Variants in SLTM observed in about 807,000 individuals in gnomAD.
SLTM encodes the protein SAFB-like transcription modulator.
In SLTM, 43 loss-of-function variants were observed where a neutral mutation model predicts 134.6. The ratio of observed to expected loss-of-function variants is 0.32; its 90% confidence interval spans 0.25 to 0.41. The LOEUF is 0.41. SLTM is among the 10% of genes least tolerant of loss of function. The pLI is 1.00. For synonymous variants in SLTM, 424 were observed against 432.3 expected (o/e 0.98, Z 0.24); for missense variants, 1,055 against 1,288.8 (o/e 0.82, Z 2.78).
At position 58,879,880 on chromosome 15, in the gene SLTM, TA is replaced by T; in HGVS notation, c.*118del. The stretch of plus-strand genomic sequence containing the variant: ...GAGAAAAGCAATCATGTTAAATTTT[TA>T]AAAAGAAAAGTCTGACAGAACTCTC... On this transcript the variant is annotated 3_prime_UTR_variant, in exon 21 of 21. Coordinates refer to ENST00000380516, the MANE Select transcript of SLTM (RefSeq NM_024755.4). 8.0e-7 allele frequency: 1 copy of T among 1,250,602 alleles called. No individual in the cohort carries two copies. The highest frequency in any genetic ancestry group is 1.1e-6 in the Non-Finnish European group (1 of 941,482). 77.5% of individuals were successfully genotyped at this position (1,250,602 alleles called of 1,614,324 possible).
intron 3 of SLTM, among the ~76,000 whole-genome samples, chr15:58,916,308 G>C (rs2036646922): frequency 1.3e-5 from 2 of 151,762 alleles, no homozygotes; most frequent in African/African-American, 4.8e-5. Context: ...CAAGTAGTTG[G>C]GATTACAGGC....
intron 9 of SLTM, among the ~76,000 whole-genome samples, chr15:58,896,052 T>C (rs1219864019): frequency 6.6e-6 from 1 of 152,192 alleles, no homozygotes. Flanking sequence ...AACTATAATG[T>C]AAGTAGACAG....
At chr15:58,910,401 A>G (rs2036177833) in intron 5 of SLTM, among the ~76,000 whole-genome samples, 1 of 152,238 alleles carries the variant, frequency 6.6e-6, no homozygotes, top group Admixed American at 6.5e-5. Flanking sequence ...TAGAAAGAGG[A>G]AAAAGGTCAT....
intron 5 of SLTM, among the ~76,000 whole-genome samples, chr15:58,910,163 A>G (rs963780422): frequency 6.6e-6 from 1 of 152,212 alleles, no homozygotes; most frequent in Non-Finnish European, 1.5e-5. Context: ...TTCAAGGGAA[A>G]TATGTTTGGA....
intron 19 of SLTM, among the ~76,000 whole-genome samples, chr15:58,884,170 T>G (rs1422420037): frequency 2.0e-5 from 3 of 152,072 alleles, no homozygotes; most frequent in Admixed American, 6.6e-5. Flanking sequence ...TGGTGTGCTT[T>G]TAATGTCAGA....
rs912788152 is a variant in SLTM, at chr15:58,879,359, G to A, written c.*640C>T. ...TCATACCATGCAAACCTGAACAAGT[G>A]TGCTGCTACACTAAACTGAAAATCG... is the stretch of plus-strand genomic sequence containing the variant. On this transcript the variant is annotated 3_prime_UTR_variant, in exon 21 of 21. Coordinates refer to ENST00000380516, the MANE Select transcript of SLTM (RefSeq NM_024755.4). The A allele has an allele frequency of 7.9e-5, 12 of 152,456 alleles. No homozygotes were observed. The highest frequency in any genetic ancestry group is 1.5e-4 in the Non-Finnish European group (10 of 68,032). 9.4% of individuals were successfully genotyped at this position (152,456 alleles called of 1,614,324 possible). A position where few individuals can be genotyped will look rare whatever the true frequency, so the allele number is the denominator to read the frequency against.
intron 10 of SLTM, 38 bp from the exon 11 acceptor site, chr15:58,894,231 G>C: frequency 1.3e-6 from 2 of 1,517,704 alleles, no homozygotes; most frequent in South Asian, 2.4e-5. Context: ...TTGTACATAT[G>C]GTTACATTTT....
In SLTM at chr15:58,883,293, C is replaced by T. The variant is rs566649117; in HGVS notation, c.2996+333G>A. On this transcript the variant is annotated intron_variant, in intron 20 of 20. Coordinates refer to ENST00000380516, the MANE Select transcript of SLTM (RefSeq NM_024755.4). ...CCTCGCCACTGCAGTCCAGCATGGG[C>T]GACAGAGTGAGACTCCATCTCAAAA... Among the ~76,000 whole-genome samples, 30 of 152,246 alleles carry T rather than the reference C, an allele frequency of 2.0e-4. 1 individual carries two copies. Among genetic ancestry groups the T allele is most frequent in the Admixed American group, 1.5e-3 (23 of 15,298 alleles).
Position 58,898,783 on chromosome 15 carries a change from T to C in SLTM, c.1108+20A>G, listed in dbSNP as rs374647703. 39 of 1,574,564 alleles carry C rather than the reference T, an allele frequency of 2.5e-5. No homozygotes were observed. In the South Asian group the frequency reaches 2.5e-4, roughly 10 times the overall value. ...TACACAATGTCAACACTGAAATAAA[T>C]AGGGAAAAAAATTCTTTACCTTTGT... On this transcript the variant is annotated intron_variant, in intron 8 of 20. Transcript: ENST00000380516.
At chr15:58,916,634 A>C in intron 3 of SLTM, 1 of 217,956 alleles carries the variant, frequency 4.6e-6, no homozygotes, top group Non-Finnish European at 9.1e-6. Flanking sequence ...CTCATCCAGG[A>C]ACTAACATGT....
intron 12 of SLTM, 118 bp from the exon 13 acceptor site, chr15:58,893,482 C>G: frequency 1.4e-6 from 1 of 703,820 alleles, no homozygotes; most frequent in Non-Finnish European, 2.3e-6. Context: ...AAAAAAACTA[C>G]TTATTCTACA....
intron 17 of SLTM, among the ~76,000 whole-genome samples, chr15:58,888,071 T>C (rs1341092663): frequency 2.6e-5 from 4 of 152,148 alleles, no homozygotes; most frequent in Non-Finnish European, 4.4e-5. Flanking sequence ...CAAGAATCGT[T>C]TGAACCCACG....
chr15:58,888,343 C>T, intron 17 of SLTM, 42 bp downstream of exon 17: 1 of 1,513,184 alleles, frequency 6.6e-7, no homozygotes, highest in Non-Finnish European at 8.9e-7. Context: ...TTATCACTAG[C>T]AAGGCTCATA....
chr15:58,884,562 C>A (rs2140938329), intron 19 of SLTM, among the ~76,000 whole-genome samples: 1 of 152,228 alleles, frequency 6.6e-6, no homozygotes, highest in South Asian at 2.1e-4. Flanking sequence ...CATGATCCGC[C>A]CGCCTAGGCC....
intron 9 of SLTM, among the ~76,000 whole-genome samples, chr15:58,896,376 T>A (rs1212743100): frequency 3.9e-5 from 6 of 152,002 alleles, no homozygotes; most frequent in Admixed American, 3.9e-4. Context: ...CTGGCCAACA[T>A]AGTGAAAAAC....
chr15:58,898,630 A>T, intron 8 of SLTM, 173 bp downstream of exon 8: 1 of 556,780 alleles, frequency 1.8e-6, no homozygotes, highest in South Asian at 2.0e-5. Context: ...CACATCAATC[A>T]GTTTTCTGTA....
chr15:58,915,709 C>CTG lies in SLTM; in HGVS notation c.315+1224_315+1225dup, dbSNP rs140694774. Among the ~76,000 whole-genome samples the CTG allele has an allele frequency of 8.8e-4, 133 of 151,588 alleles. 1 individual carries two copies. In the Middle Eastern group the frequency reaches 0.051, roughly 58 times the overall value. ...ACATCTTTTGGGGGTGGGGTTGTGT[C>CTG]TGTGTGTGTGTGTGCAGCGTGGAGA... On this transcript the variant is annotated intron_variant, in intron 3 of 20. Transcript: ENST00000380516.
At chr15:58,922,889 T>C (rs1234911839) in intron 2 of SLTM, among the ~76,000 whole-genome samples, 1 of 151,846 alleles carries the variant, frequency 6.6e-6, no homozygotes, top group African/African-American at 2.4e-5. Context: ...CTAATTTTTG[T>C]ATTTTTAGTA....
chr15:58,908,002 CGTGTGTGT>C (rs140029214), intron 5 of SLTM, among the ~76,000 whole-genome samples: 11,464 of 139,900 alleles, frequency 0.082, 666 homozygotes, highest in East Asian at 0.25. Flanking sequence ...AAACATGCTG[CGTGTGTGT>C]GTGTGTGTGT....
Sources: gnomAD v4.1 joint callset for allele counts (sites outside exome capture counted in the v4.1 genomes callset) on GRCh38, gnomAD v4.1.1 for gene constraint, MANE v1.5 for transcripts, NCBI Gene and HGNC (gene_info 2026-07-23, HGNC 2026-07-21) for gene names.